Variants in PTPRK observed in about 807,000 individuals in gnomAD.
PTPRK encodes receptor-type tyrosine-protein phosphatase kappa.
In PTPRK, 75 loss-of-function variants were observed where a neutral mutation model predicts 178.0. That is an observed-to-expected ratio of 0.42 (90% CI 0.35 to 0.51). The LOEUF is 0.51. Ranked by LOEUF, PTPRK falls within the 20% of genes least tolerant of loss-of-function variation. The probability of loss-of-function intolerance (pLI) is 0.02; values close to 1 mark genes in which losing one functional copy is unlikely to be tolerated. For missense variants in PTPRK, 1,441 were observed against 1,797.8 expected (o/e 0.80, Z 3.59); for synonymous variants, 637 against 620.6 (o/e 1.03, Z -0.39).
intron 2 of PTPRK, among the ~76,000 whole-genome samples, chr6:128,372,922 A>G (rs541446813): frequency 4.6e-5 from 7 of 152,080 alleles, no homozygotes; most frequent in Non-Finnish European, 1.0e-4. Flanking sequence ...TCTGATATAC[A>G]TGAGTATGTG....
chr6:128,175,593 C>T (rs1800939228), intron 7 of PTPRK, among the ~76,000 whole-genome samples: 1 of 151,484 alleles, frequency 6.6e-6, no homozygotes, highest in African/African-American at 2.4e-5. Context: ...TTACAATAAG[C>T]GGAATATAGA....
intron 13 of PTPRK, among the ~76,000 whole-genome samples, chr6:128,040,818 G>T (rs1024914613): frequency 3.3e-5 from 5 of 151,962 alleles, no homozygotes; most frequent in Non-Finnish European, 7.4e-5. Context: ...CATAAACCAA[G>T]CAGAAATGAT....
intron 2 of PTPRK, among the ~76,000 whole-genome samples, chr6:128,350,645 G>A (rs143433791): frequency 1.2e-3 from 187 of 152,222 alleles, no homozygotes; most frequent in African/African-American, 4.1e-3. Context: ...AAAATTCAAC[G>A]TAACAATTGG....
At chr6:128,111,764 G>A (rs1480629291) in intron 7 of PTPRK, among the ~76,000 whole-genome samples, 2 of 151,956 alleles carry the variant, frequency 1.3e-5, no homozygotes, top group Non-Finnish European at 2.9e-5. Flanking sequence ...TCTTCTCCAT[G>A]CTCAGTTAGA....
At chr6:128,024,956 T>C (rs1200638731) in intron 13 of PTPRK, among the ~76,000 whole-genome samples, 2 of 152,090 alleles carry the variant, frequency 1.3e-5, no homozygotes, top group Admixed American at 6.5e-5. Context: ...AGAATGAATA[T>C]GAGAGAATAG....
chr6:128,263,298 C>T (rs58706847), intron 3 of PTPRK, among the ~76,000 whole-genome samples: 10,491 of 152,182 alleles, frequency 0.069, 994 homozygotes, highest in African/African-American at 0.21. Flanking sequence ...ACACTTGCTG[C>T]TGTAGCCTGT....
At chr6:128,343,426 G>C (rs774457835) in intron 2 of PTPRK, among the ~76,000 whole-genome samples, 9 of 150,650 alleles carry the variant, frequency 6.0e-5, no homozygotes, top group Admixed American at 1.3e-4. Context: ...CTTGAACCTG[G>C]AAGGCGGAGG....
intron 2 of PTPRK, among the ~76,000 whole-genome samples, chr6:128,381,102 G>T (rs1584450407): frequency 6.6e-6 from 1 of 152,054 alleles, no homozygotes; most frequent in African/African-American, 2.4e-5. Flanking sequence ...AAATGTTGTT[G>T]CATAACTTCT....
chr6:127,979,729 A>G (rs1775053701), intron 25 of PTPRK, among the ~76,000 whole-genome samples: 1 of 152,246 alleles, frequency 6.6e-6, no homozygotes, highest in Non-Finnish European at 1.5e-5. Flanking sequence ...AACAGGAACA[A>G]TAACTTAGAA....
At chr6:128,513,125 T>C (rs954884889) in intron 1 of PTPRK, among the ~76,000 whole-genome samples, 2 of 152,178 alleles carry the variant, frequency 1.3e-5, no homozygotes, top group Admixed American at 1.3e-4. Context: ...TTAAAAAGCT[T>C]GTATAGTACT....
chr6:128,174,380 C>T (rs371035745), intron 7 of PTPRK, among the ~76,000 whole-genome samples: 4 of 151,620 alleles, frequency 2.6e-5, no homozygotes, highest in African/African-American at 7.3e-5. Flanking sequence ...TTGCCACTAG[C>T]GTAAAAATTA....
intron 3 of PTPRK, among the ~76,000 whole-genome samples, chr6:128,271,566 A>G (rs1384268955): frequency 6.6e-6 from 1 of 152,144 alleles, no homozygotes; most frequent in Non-Finnish European, 1.5e-5. Flanking sequence ...AAGTACTCAA[A>G]AAAAAGAAAG....
At chr6:128,077,983 T>C (rs1784135727) in intron 11 of PTPRK, among the ~76,000 whole-genome samples, 1 of 152,056 alleles carries the variant, frequency 6.6e-6, no homozygotes, top group South Asian at 2.1e-4. Flanking sequence ...GTTCTAACTA[T>C]TCTGCTTTTA....
chr6:128,446,071 C>G (rs1846983612), intron 1 of PTPRK, among the ~76,000 whole-genome samples: 1 of 152,194 alleles, frequency 6.6e-6, no homozygotes, highest in Non-Finnish European at 1.5e-5. Context: ...CTACCATTCT[C>G]TAAGTAACGG....
chr6:128,221,995 A>C (rs1399682898), intron 5 of PTPRK, among the ~76,000 whole-genome samples: 1 of 152,126 alleles, frequency 6.6e-6, no homozygotes, highest in Admixed American at 6.6e-5. Flanking sequence ...TTTGTTATAC[A>C]ACCTTATCTG....
chr6:128,067,375 C>A (rs998935699), intron 12 of PTPRK, 144 bp downstream of exon 12: 15 of 855,588 alleles, frequency 1.8e-5, no homozygotes, highest in Non-Finnish European at 2.2e-5. Flanking sequence ...CCCAAAACTG[C>A]GCACACTGTT....
chr6:128,317,658 T>C (rs911907682), intron 3 of PTPRK, among the ~76,000 whole-genome samples: 9 of 152,170 alleles, frequency 5.9e-5, no homozygotes, highest in Non-Finnish European at 1.2e-4. Context: ...ATTTTGAGAA[T>C]AGGACCCAGG....
At chr6:128,062,155 A>G (rs1365539984) in intron 13 of PTPRK, 1 of 154,614 alleles carries the variant, frequency 6.5e-6, no homozygotes, top group East Asian at 1.9e-4. Context: ...TAGTCAGGCA[A>G]TAAGTTGATG....
At chr6:128,138,382 A>T (rs560167313) in intron 7 of PTPRK, among the ~76,000 whole-genome samples, 3 of 152,230 alleles carry the variant, frequency 2.0e-5, no homozygotes, top group African/African-American at 7.2e-5. Context: ...TAGATGTGCA[A>T]CCTGGCTTAC....
Sources: gnomAD v4.1 joint callset for allele counts (sites outside exome capture counted in the v4.1 genomes callset) on GRCh38, gnomAD v4.1.1 for gene constraint, MANE v1.5 for transcripts, NCBI Gene and HGNC (gene_info 2026-07-23, HGNC 2026-07-21) for gene names.